The following SPSB1 variants were observed in gnomAD, a reference collection of about 807,000 sequenced individuals.
SPSB1 encodes the protein SPRY domain-containing SOCS box protein 1.
SPSB1 carries 8 observed loss-of-function variants against 21.2 expected under a neutral mutation model. The observed-to-expected ratio is 0.38, with a 90% CI of 0.22 to 0.68. The LOEUF (loss-of-function observed/expected upper bound fraction) is 0.68, where lower values mean the gene tolerates loss of function less well. SPSB1 is among the 30% of genes least tolerant of loss of function. The pLI is 0.53. For missense variants in SPSB1, 242 were observed against 377.8 expected (o/e 0.64, Z 2.98); for synonymous variants, 169 against 161.7 (o/e 1.05, Z -0.34).
intron 1 of SPSB1, chr1:9,339,413 G>C: frequency 1.6e-6 from 1 of 639,156 alleles, no homozygotes. Flanking sequence ...AGGTAATTCC[G>C]GGGCGAGTCT....
intron 2 of SPSB1, among the ~76,000 whole-genome samples, chr1:9,359,511 G>A: frequency 6.6e-6 from 1 of 152,096 alleles, no homozygotes; most frequent in East Asian, 1.9e-4. Context: ...AGACCAGCCT[G>A]GCCAACATGG....
At chr1:9,299,686 T>C (rs979570311) in intron 1 of SPSB1, among the ~76,000 whole-genome samples, 1 of 152,060 alleles carries the variant, frequency 6.6e-6, no homozygotes, top group African/African-American at 2.4e-5. Flanking sequence ...ACTATGTTGG[T>C]CAGGCTGGTC....
chr1:9,301,107 A>G (rs1295386358), intron 1 of SPSB1, among the ~76,000 whole-genome samples: 10 of 152,326 alleles, frequency 6.6e-5, no homozygotes, highest in African/African-American at 2.4e-4. Flanking sequence ...GAGTGATTAT[A>G]TACTGATCCA....
At chr1:9,352,469 GTTTA>G (rs904653596) in intron 1 of SPSB1, among the ~76,000 whole-genome samples, 3 of 152,188 alleles carry the variant, frequency 2.0e-5, no homozygotes, top group Admixed American at 2.0e-4. Context: ...AGCCACGCGC[GTTTA>G]TTTATGTCCC....
intron 1 of SPSB1, among the ~76,000 whole-genome samples, chr1:9,329,553 G>T (rs1393135185): frequency 3.9e-5 from 6 of 151,932 alleles, no homozygotes; most frequent in African/African-American, 1.5e-4. Context: ...CAAAAATTAG[G>T]CACAGTGGCA....
Position 9,346,874 on chromosome 1 carries a change from GA to G in SPSB1, c.-149-8868del, listed in dbSNP as rs1640173452. 1.3e-5 allele frequency among the ~76,000 whole-genome samples: 2 copies of G among 152,274 alleles called. No homozygotes were observed. Among genetic ancestry groups the G allele is most frequent in the African/African-American group, 4.8e-5 (2 of 41,478 alleles). The stretch of plus-strand genomic sequence containing the variant: ...TTCTTGTGTTCTGGGTCAGTAGAGA[GA>G]GACAGCCGCCCCATTTTTACGGGGC... On this transcript the variant is annotated intron_variant, in intron 1 of 2. Coordinates refer to ENST00000328089, the MANE Select transcript of SPSB1 (RefSeq NM_025106.4). This position sits in a 1 kb window ranked among gnomAD's most constrained non-coding sequence, Gnocchi z 4.4.
intron 1 of SPSB1, among the ~76,000 whole-genome samples, chr1:9,330,884 C>G (rs938556988): frequency 6.6e-6 from 1 of 152,030 alleles, no homozygotes; most frequent in Non-Finnish European, 1.5e-5. Flanking sequence ...CAGTGATACC[C>G]AAGGGTTCCG....
Position 9,293,552 on chromosome 1 carries a change from G to A in SPSB1, c.-150+481G>A, listed in dbSNP as rs1639156185. 6.6e-6 allele frequency among the ~76,000 whole-genome samples: 1 copy of A among 152,000 alleles called. No individual in the cohort carries two copies. The highest frequency in any genetic ancestry group is 2.1e-4 in the South Asian group (1 of 4,832). On this transcript the variant is annotated intron_variant, in intron 1 of 2. Transcript: ENST00000328089. This position sits in a 1 kb window ranked among gnomAD's most constrained non-coding sequence, Gnocchi z 5.1. Reference sequence around the variant, plus strand: ...GCGCGGCCCGGTCCCCCGTCGGGGCGCCCCCACCCTCCCGCAGCGCCTCCC... The same window carrying A: ...GCGCGGCCCGGTCCCCCGTCGGGGCACCCCCACCCTCCCGCAGCGCCTCCC...
chr1:9,293,156 C>G lies in SPSB1; in HGVS notation c.-150+85C>G. 1.0e-6 allele frequency: 1 copy of G among 970,318 alleles called. No individual in the cohort carries two copies. The highest frequency in any genetic ancestry group is 1.2e-6 in the Non-Finnish European group (1 of 818,188). The allele number at this position is 970,318 out of a possible 1,614,324, so 60.1% of individuals were successfully genotyped here. Reference sequence around the variant, plus strand: ...GCGCGGGGGGCCGGGCGAGGGCGGACGCGGGGATCGCGCCGCTGGGGGACC... The same window carrying G: ...GCGCGGGGGGCCGGGCGAGGGCGGAGGCGGGGATCGCGCCGCTGGGGGACC... On this transcript the variant is annotated intron_variant, in intron 1 of 2. Coordinates refer to ENST00000328089, the MANE Select transcript of SPSB1 (RefSeq NM_025106.4). The surrounding 1 kb of genome is among the most constrained non-coding windows in gnomAD (Gnocchi z 5.1).
intron 1 of SPSB1, among the ~76,000 whole-genome samples, chr1:9,330,579 C>T (rs1329722634): frequency 2.6e-5 from 4 of 152,236 alleles, no homozygotes; most frequent in African/African-American, 4.8e-5. Context: ...TCTGGACACA[C>T]GTATCCCTAA....
At position 9,309,279 on chromosome 1, in the gene SPSB1, AGTGT is replaced by A. The variant is rs199887072; in HGVS notation, c.-150+16210_-150+16213del. ...CCCCTGCGGAGAGAGAGAGAGAGAG[AGTGT>A]GAGAGAGAGAGAGAGAGAGTGTGTG... On this transcript the variant is annotated intron_variant, in intron 1 of 2. Transcript: ENST00000328089. Among the ~76,000 whole-genome samples, 338 of 126,622 alleles carry A rather than the reference AGTGT, an allele frequency of 2.7e-3. 4 individuals are homozygous for A. The highest frequency in any genetic ancestry group is 0.011 in the African/African-American group (327 of 30,620). 83.1% of individuals were successfully genotyped at this position (126,622 alleles called of 152,430 possible).
intron 1 of SPSB1, among the ~76,000 whole-genome samples, chr1:9,354,441 G>C (rs1214410939): frequency 6.6e-6 from 1 of 152,056 alleles, no homozygotes; most frequent in African/African-American, 2.4e-5. Flanking sequence ...GCCCTCCTTG[G>C]CCTCTCTGGT....
chr1:9,350,838 T>C (rs11121381), intron 1 of SPSB1, among the ~76,000 whole-genome samples: 37,222 of 152,188 alleles, frequency 0.24, 5,475 homozygotes, highest in Non-Finnish European at 0.33. Flanking sequence ...GCATCTGCAT[T>C]TGCTTCTCAG....
chr1:9,323,354 A>G (rs1288062104), intron 1 of SPSB1, among the ~76,000 whole-genome samples: 1 of 152,166 alleles, frequency 6.6e-6, no homozygotes, highest in African/African-American at 2.4e-5. Context: ...TGTGCCCTCC[A>G]TGGAGTCACT....
At chr1:9,310,412 G>T (rs558360962) in intron 1 of SPSB1, among the ~76,000 whole-genome samples, 14 of 152,216 alleles carry the variant, frequency 9.2e-5, no homozygotes, top group Non-Finnish European at 1.6e-4. Context: ...GACCTAAAGG[G>T]CCGGGCACAG....
chr1:9,341,184 C>T (rs1640085210), intron 1 of SPSB1, among the ~76,000 whole-genome samples: 1 of 152,230 alleles, frequency 6.6e-6, no homozygotes, highest in African/African-American at 2.4e-5. Flanking sequence ...AAACTTCCCG[C>T]AGTACTTAGG....
In SPSB1 at chr1:9,367,682, T is replaced by C. The variant is rs141989891; in HGVS notation, c.*107T>C. 9.0e-4 allele frequency: 1,294 copies of C among 1,442,890 alleles called. 11 individuals carry two copies. In the African/African-American group the frequency reaches 0.017, roughly 19 times the overall value. The allele number at this position is 1,442,890 out of a possible 1,614,324, so 89.4% of individuals were successfully genotyped here. The stretch of plus-strand genomic sequence containing the variant: ...CACCTTGGACCGGCATCCGTAGCCA[T>C]GGACAGAGGTCCCTGGTCTTCCCTC... On this transcript the variant is annotated 3_prime_UTR_variant, in exon 3 of 3. Transcript: ENST00000328089. This position sits in a 1 kb window ranked among gnomAD's most constrained non-coding sequence, Gnocchi z 5.9.
chr1:9,354,297 C>G (rs779613890), intron 1 of SPSB1, among the ~76,000 whole-genome samples: 4 of 152,182 alleles, frequency 2.6e-5, no homozygotes, highest in Non-Finnish European at 5.9e-5. Flanking sequence ...CAGCGTGACT[C>G]TCTCCCGGCA....
At chr1:9,323,382 C>T (rs1639757544) in intron 1 of SPSB1, among the ~76,000 whole-genome samples, 1 of 152,184 alleles carries the variant, frequency 6.6e-6, no homozygotes, top group Non-Finnish European at 1.5e-5. Context: ...TTCCATGTCT[C>T]CCCCTGGCTG....
Sources: gnomAD v4.1 joint callset for allele counts (sites outside exome capture counted in the v4.1 genomes callset) on GRCh38, gnomAD v4.1.1 for gene constraint, Gnocchi (gnomAD v3.1) non-coding constraint, MANE v1.5 for transcripts, NCBI Gene and HGNC (gene_info 2026-07-23, HGNC 2026-07-21) for gene names.